Variants in SUPT5H observed in about 807,000 individuals in gnomAD.
SUPT5H encodes transcription elongation factor SPT5.
SUPT5H carries 24 observed loss-of-function variants against 142.5 expected under a neutral mutation model. The ratio of observed to expected loss-of-function variants is 0.17; its 90% CI spans 0.12 to 0.24. The LOEUF (loss-of-function observed/expected upper bound fraction) is 0.24. Ranked by LOEUF, SUPT5H falls within the 10% of genes least tolerant of loss-of-function variation. SUPT5H has a pLI of 1.00. For missense variants in SUPT5H, 893 were observed against 1,471.8 expected, an observed-to-expected ratio of 0.61 and a Z score of 6.43; for synonymous variants, 546 against 553.0, an observed-to-expected ratio of 0.99 and a Z score of 0.18.
In SUPT5H at chr19:39,468,798, C is replaced by G. The variant is rs565814759; in HGVS notation, c.1080C>G (p.Ile360Met). 1.9e-6 allele frequency: 3 copies of G among 1,614,016 alleles called. No homozygotes were observed. The highest frequency in any genetic ancestry group is 2.5e-6 in the Non-Finnish European group (3 of 1,180,034). ...GDVASDGDFL[I>M]FEGNRYSRKG... ...TTGCCTCTGATGGTGACTTCCTCAT[C>G]TTTGAGGGGAACCGTTACAGCCGGA... The change falls in exon 14 of 30, where the codon ATC becomes ATG. Residue 360 changes from isoleucine to methionine, a missense_variant. By Grantham distance (10) the Ile-to-Met change is conservative. Around this residue, in one of 6 missense-constraint regions of SUPT5H, gnomAD observed 428 missense variants for 763.5 expected, o/e 0.56. Coordinates refer to ENST00000432763, the MANE Select transcript of SUPT5H (RefSeq NM_001111020.3).
At chr19:39,451,999 G>A (rs1301107096) in intron 2 of SUPT5H, among the ~76,000 whole-genome samples, 1 of 152,170 alleles carries the variant, frequency 6.6e-6, no homozygotes, top group Non-Finnish European at 1.5e-5. Context: ...AGGAGAGTAG[G>A]GAGGAGGCTG....
Position 39,472,799 on chromosome 19 carries a change from C to A in SUPT5H, c.2036-11C>A. ...CCGTGGGGGACCAGTGACATTCTCC[C>A]CAATCCCCAGGTCAGCGTGGCGGCT... On this transcript the variant is annotated splice_polypyrimidine_tract_variant and intron_variant, in intron 21 of 29. Transcript: ENST00000432763. The surrounding 1 kb of genome is among the most constrained non-coding windows in gnomAD (Gnocchi z 4.2). 1 of 1,609,280 alleles carries A rather than the reference C, an allele frequency of 6.2e-7. No individual in the cohort carries two copies. Among genetic ancestry groups the A allele is most frequent in the Non-Finnish European group, 8.5e-7 (1 of 1,177,470 alleles).
intron 10 of SUPT5H, 126 bp downstream of exon 10, chr19:39,460,086 G>A (rs917367689): frequency 1.6e-4 from 148 of 925,102 alleles, no homozygotes; most frequent in Non-Finnish European, 2.4e-4. Flanking sequence ...TGAGCTGCTT[G>A]AGCTGGAATA....
intron 2 of SUPT5H, among the ~76,000 whole-genome samples, chr19:39,452,867 G>A (rs972114784): frequency 1.3e-5 from 2 of 152,032 alleles, no homozygotes; most frequent in Non-Finnish European, 2.9e-5. Flanking sequence ...ACAAAAATTA[G>A]CCAGGTGTGG....
chr19:39,456,665 G>A lies in SUPT5H; in HGVS notation c.242-1010G>A, dbSNP rs182720529. On this transcript the variant is annotated intron_variant, in intron 3 of 29. Transcript: ENST00000432763. ...GAGCTCCTGTCCTCATGATCCACCC[G>A]CCTCGGCCTCCCAAAGTGCTGGGAT... Among the ~76,000 whole-genome samples the A allele has an allele frequency of 1.6e-4, 24 of 151,604 alleles. 1 individual carries two copies. The highest frequency in any genetic ancestry group is 6.3e-4 in the South Asian group (3 of 4,796).
At chr19:39,454,643 C>T (rs2079064624) in intron 3 of SUPT5H, among the ~76,000 whole-genome samples, 1 of 151,990 alleles carries the variant, frequency 6.6e-6, no homozygotes, top group African/African-American at 2.4e-5. Context: ...CCTGGCCGCA[C>T]TTTTTTTAAA....
At position 39,458,977 on chromosome 19, in the gene SUPT5H, C is replaced by G. The variant is rs370594966; in HGVS notation, c.390-28C>G. 1 of 1,613,904 alleles carries G rather than the reference C, an allele frequency of 6.2e-7. No homozygotes were observed. Among genetic ancestry groups the G allele is most frequent in the Non-Finnish European group, 8.5e-7 (1 of 1,179,994 alleles). On this transcript the variant is annotated intron_variant, in intron 6 of 29. Coordinates refer to ENST00000432763, the MANE Select transcript of SUPT5H (RefSeq NM_001111020.3). This position sits in a 1 kb window ranked among gnomAD's most constrained non-coding sequence, Gnocchi z 4.2. ...CACCTGCTGTCCTCAACCTTCAATT[C>G]GTGTTTGCTTCCCCACTCGTGCTCC...
Position 39,453,533 on chromosome 19 carries a change from T to C in SUPT5H, c.241+12T>C, listed in dbSNP as rs1357790223. On this transcript the variant is annotated intron_variant, in intron 3 of 29. Coordinates refer to ENST00000432763, the MANE Select transcript of SUPT5H (RefSeq NM_001111020.3). ...TCTGGACGAGGCTGGTATGTCATAGTGCTTGGCCAGTGCCGAGCAGAGGCT... is the reference window on the plus strand; with the variant it reads ...TCTGGACGAGGCTGGTATGTCATAGCGCTTGGCCAGTGCCGAGCAGAGGCT... 16 of 1,519,604 alleles carry C rather than the reference T, an allele frequency of 1.1e-5. No individual in the cohort carries two copies. Among genetic ancestry groups the C allele is most frequent in the Non-Finnish European group, 1.3e-5 (15 of 1,130,166 alleles). The allele number at this position is 1,519,604 out of a possible 1,614,324, so 94.1% of individuals were successfully genotyped here.
chr19:39,473,562 G>A lies in SUPT5H; in HGVS notation c.2492+41G>A, dbSNP rs781320364. On this transcript the variant is annotated intron_variant, in intron 25 of 29. Transcript: ENST00000432763. This position sits in a 1 kb window ranked among gnomAD's most constrained non-coding sequence, Gnocchi z 5.8. ...CCCAGGTTCTGGTGTGTGCTGGTGT[G>A]TGTGAGGGATGATGCTGGGTGTCTG... The A allele has an allele frequency of 1.3e-6, 2 of 1,583,940 alleles. No individual in the cohort carries two copies. The highest frequency in any genetic ancestry group is 2.2e-5 in the South Asian group (2 of 89,472).
chr19:39,461,792 C>T (rs112761698), intron 10 of SUPT5H, among the ~76,000 whole-genome samples: 2,169 of 148,652 alleles, frequency 0.015, 44 homozygotes, highest in African/African-American at 0.052. Flanking sequence ...CCACTGCACT[C>T]CAGCCTGGGC....
chr19:39,459,090 G>A lies in SUPT5H; in HGVS notation c.458+17G>A. On this transcript the variant is annotated intron_variant, in intron 7 of 29. Coordinates refer to ENST00000432763, the MANE Select transcript of SUPT5H (RefSeq NM_001111020.3). ...GGGAGAGACGTAAGGGCATGGTGGGGGCAGGTGGGGGCAGGGAGCAGGTGG... is the reference window on the plus strand; with the variant it reads ...GGGAGAGACGTAAGGGCATGGTGGGAGCAGGTGGGGGCAGGGAGCAGGTGG... 6.2e-7 allele frequency: 1 copy of A among 1,613,966 alleles called. No homozygotes were observed. The highest frequency in any genetic ancestry group is 8.5e-7 in the Non-Finnish European group (1 of 1,179,932).
At chr19:39,475,310 T>C (rs1488325786) in intron 28 of SUPT5H, 2 of 141,810 alleles carry the variant, frequency 1.4e-5, no homozygotes, top group Non-Finnish European at 3.0e-5. Context: ...GGCAGGAGAA[T>C]CGCTTGAACC....
Position 39,469,240 on chromosome 19 carries a change from A to T in SUPT5H, c.1238-22A>T, listed in dbSNP as rs2079284407. 6.2e-7 allele frequency: 1 copy of T among 1,614,074 alleles called. No homozygotes were observed. Among genetic ancestry groups the T allele is most frequent in the Admixed American group, 1.7e-5 (1 of 60,000 alleles). Reference sequence around the variant, plus strand: ...GGCCCATGGTGGCAACCCCCGAGTCAGCCCTACGACTGCCCCTGCAGGGAA... The same window carrying T: ...GGCCCATGGTGGCAACCCCCGAGTCTGCCCTACGACTGCCCCTGCAGGGAA... On this transcript the variant is annotated intron_variant, in intron 15 of 29. Coordinates refer to ENST00000432763, the MANE Select transcript of SUPT5H (RefSeq NM_001111020.3). The surrounding 1 kb of genome is among the most constrained non-coding windows in gnomAD (Gnocchi z 5.1).
intron 28 of SUPT5H, 119 bp from the exon 29 acceptor site, chr19:39,475,962 C>G (rs1236913483): frequency 3.2e-6 from 3 of 949,626 alleles, no homozygotes; most frequent in East Asian, 5.2e-5. Context: ...CTTGGCCTTT[C>G]CTGCCCCCAT....
rs1468865694 is a variant in SUPT5H, at chr19:39,469,348, A to C, written c.1324A>C (p.Ser442Arg). The part of the protein sequence containing the change: ...ELINLQGKIL[S>R]VDGNKITIMP... ...CATCAACCTGCAGGGCAAGATCCTC[A>C]GCGTGGATGGCAACAAGATCACCAT... The change falls in exon 16 of 30, where the codon AGC becomes CGC. Residue 442 changes from serine (S) to arginine (R), a missense_variant. Transcript: ENST00000432763. The surrounding 1 kb of genome is among the most constrained non-coding windows in gnomAD (Gnocchi z 5.1). 6.2e-7 allele frequency: 1 copy of C among 1,614,236 alleles called. No homozygotes were observed. The highest frequency in any genetic ancestry group is 1.1e-5 in the South Asian group (1 of 91,088).
At position 39,476,218 on chromosome 19, in the gene SUPT5H, G is replaced by A. The variant is rs770996171; in HGVS notation, c.3121-38G>A. The A allele has an allele frequency of 7.4e-6, 12 of 1,614,054 alleles. 1 individual carries two copies. In the South Asian group the frequency reaches 1.2e-4, roughly 16 times the overall value. On this transcript the variant is annotated intron_variant, in intron 29 of 29. Transcript: ENST00000432763. ...AGGAGATAAGATGGGGCCGTTGGGT[G>A]CTGACATGGACCCTGACCATATTCC... is the stretch of plus-strand genomic sequence containing the variant.
Position 39,474,706 on chromosome 19 carries a change from C to T in SUPT5H, c.3012C>T (p.Ile1004=). The T allele has an allele frequency of 6.2e-7, 1 of 1,612,406 alleles. No homozygotes were observed. Among genetic ancestry groups the T allele is most frequent in the Non-Finnish European group, 8.5e-7 (1 of 1,179,212 alleles). The change falls in exon 28 of 30, where the codon ATC becomes ATT. Residue 1004 remains isoleucine, a synonymous_variant. Coordinates refer to ENST00000432763, the MANE Select transcript of SUPT5H (RefSeq NM_001111020.3). The surrounding 1 kb of genome is among the most constrained non-coding windows in gnomAD (Gnocchi z 6.5). ...DTQVVGQTGV[I]RSVTGGMCSV... ...AGGTGGTGGGACAGACAGGTGTCAT[C>T]CGCAGTGTCACGGTACGTGGGGCCC...
chr19:39,455,975 G>A (rs2079084116), intron 3 of SUPT5H, among the ~76,000 whole-genome samples: 1 of 143,730 alleles, frequency 7.0e-6, no homozygotes, highest in Non-Finnish European at 1.5e-5. Context: ...TGCCCACCCT[G>A]GAGTGCAGTG....
rs760073094 is a variant in SUPT5H, at chr19:39,466,576, A to G, written c.966+7A>G. ...CAAGGCCCGCATGAGCTTGGTACTC[A>G]GGGGAATCTGTGGCCTGGGGGGGAG... On this transcript the variant is annotated splice_region_variant and intron_variant, in intron 12 of 29. Coordinates refer to ENST00000432763, the MANE Select transcript of SUPT5H (RefSeq NM_001111020.3). The surrounding 1 kb of genome is among the most constrained non-coding windows in gnomAD (Gnocchi z 4.3). 3 of 1,612,118 alleles carry G rather than the reference A, an allele frequency of 1.9e-6. No individual in the cohort carries two copies. Among genetic ancestry groups the G allele is most frequent in the Non-Finnish European group, 2.5e-6 (3 of 1,179,132 alleles).
Sources: gnomAD v4.1 joint callset for allele counts (sites outside exome capture counted in the v4.1 genomes callset) on GRCh38, gnomAD v4.1.1 for gene constraint, gnomAD v4.1.1 regional missense constraint, Gnocchi (gnomAD v3.1) non-coding constraint, MANE v1.5 for transcripts, NCBI Gene and HGNC (gene_info 2026-07-23, HGNC 2026-07-21) for gene names.